Variants in DCHS1 observed in about 807,000 individuals in gnomAD.
DCHS1 encodes the protein protocadherin-16.
A neutral mutation model predicts 213.9 loss-of-function variants in DCHS1; 78 were observed. That is an observed-to-expected ratio of 0.36 (90% confidence interval 0.30 to 0.44). The LOEUF is 0.44. Ranked by LOEUF, DCHS1 falls within the 20% of genes least tolerant of loss-of-function variation. DCHS1 has a pLI of 1.00. For missense variants in DCHS1, 3,946 were observed against 4,395.9 expected (o/e 0.90, Z 2.89); for synonymous variants, 1,828 against 1,873.7 (o/e 0.98, Z 0.63).
intron 1 of DCHS1, among the ~76,000 whole-genome samples, chr11:6,644,694 C>T (rs1015679551): frequency 6.6e-6 from 1 of 152,230 alleles, no homozygotes; most frequent in African/African-American, 2.4e-5. Flanking sequence ...GCAGCCCGTG[C>T]TAAATGAATG....
At position 6,628,592 on chromosome 11, in the gene DCHS1, G is replaced by A; in HGVS notation, c.5371+29C>T. The A allele has an allele frequency of 6.2e-7, 1 of 1,612,502 alleles. No homozygotes were observed. Among genetic ancestry groups the A allele is most frequent in the South Asian group, 1.1e-5 (1 of 91,016 alleles). ...AGCAAGAACCAGGCAAGTGGGTGCT[G>A]AATTAAGTGGGAGTGGGAAGGTTCT... is the stretch of plus-strand genomic sequence containing the variant. On this transcript the variant is annotated intron_variant, in intron 13 of 20. Transcript: ENST00000299441. The surrounding 1 kb of genome is among the most constrained non-coding windows in gnomAD (Gnocchi z 4.3).
Position 6,641,124 on chromosome 11 carries a change from G to A in DCHS1, c.490C>T (p.Leu164=). 6.2e-7 allele frequency: 1 copy of A among 1,613,884 alleles called. No homozygotes were observed. Among genetic ancestry groups the A allele is most frequent in the Non-Finnish European group, 8.5e-7 (1 of 1,179,896 alleles). Residue 164 remains leucine (L), a synonymous_variant, in exon 2 of 21, where the codon CTG becomes TTG. Coordinates refer to ENST00000299441, the MANE Select transcript of DCHS1 (RefSeq NM_003737.4). This position sits in a 1 kb window ranked among gnomAD's most constrained non-coding sequence, Gnocchi z 7.1. ...GCATCTGCATCACGAGCAGGCTCCAGTGGGTAGCGGGTGCCAAAAGCTGTA... is the reference window on the plus strand; with the variant it reads ...GCATCTGCATCACGAGCAGGCTCCAATGGGTAGCGGGTGCCAAAAGCTGTA... ...EHTAFGTRYP[L]EPARDADAGR... is the part of the protein sequence containing the mutation.
At chr11:6,639,261 T>G (rs866673798) in intron 2 of DCHS1, among the ~76,000 whole-genome samples, 2 of 152,322 alleles carry the variant, frequency 1.3e-5, no homozygotes, top group African/African-American at 4.8e-5. Context: ...GCAGCCAGTA[T>G]GTGTCTTTCT....
At chr11:6,652,851 C>A (rs190221018) in intron 1 of DCHS1, among the ~76,000 whole-genome samples, 1 of 152,278 alleles carries the variant, frequency 6.6e-6, no homozygotes, top group South Asian at 2.1e-4. Flanking sequence ...CTGAGCCCTG[C>A]TGATCCCACT....
Position 6,629,845 on chromosome 11 carries a change from G to C in DCHS1, c.4862C>G (p.Ala1621Gly). The C allele has an allele frequency of 6.2e-7, 1 of 1,613,022 alleles. No individual in the cohort carries two copies. Among genetic ancestry groups the C allele is most frequent in the Non-Finnish European group, 8.5e-7 (1 of 1,179,886 alleles). The change falls in exon 11 of 21, where the codon GCC (alanine) becomes GGC (glycine). Residue 1621 changes from alanine to glycine, a missense_variant. Coordinates refer to ENST00000299441, the MANE Select transcript of DCHS1 (RefSeq NM_003737.4). The part of the protein sequence containing the change: ...QRAEHVLTVV[A>G]SDHGSPPRSA... ...GCGCGGCGGGGAGCCGTGGTCTGAGGCCACCACTGTCAGTACGTGCTCAGC... is the reference window on the plus strand; with the variant it reads ...GCGCGGCGGGGAGCCGTGGTCTGAGCCCACCACTGTCAGTACGTGCTCAGC...
In DCHS1 at chr11:6,629,655, A is replaced by G. The variant is rs1589955489; in HGVS notation, c.5035+17T>C. On this transcript the variant is annotated intron_variant, in intron 11 of 20. Transcript: ENST00000299441. ...CCCCAGTCCATCCCACTCATAATTCACCCCCCCAGGTCTTACCCACGTCGG... is the reference window on the plus strand; with the variant it reads ...CCCCAGTCCATCCCACTCATAATTCGCCCCCCCAGGTCTTACCCACGTCGG... The G allele has an allele frequency of 6.2e-7, 1 of 1,610,172 alleles. No individual in the cohort carries two copies. The highest frequency in any genetic ancestry group is 8.5e-7 in the Non-Finnish European group (1 of 1,178,506).
chr11:6,633,813 G>A lies in DCHS1; in HGVS notation c.2194C>T (p.Leu732Phe), dbSNP rs147623607. The A allele has an allele frequency of 1.5e-5, 24 of 1,613,650 alleles. No homozygotes were observed. The highest frequency in any genetic ancestry group is 6.7e-5 in the African/African-American group (5 of 74,942). Residue 732 changes from leucine to phenylalanine, a missense_variant, in exon 4 of 21, where the codon CTT (leucine) becomes TTT (phenylalanine). Transcript: ENST00000299441. ...YHILAGNSPPLFTLDEQSGLL... is the reference protein window; with the variant it reads ...YHILAGNSPPFFTLDEQSGLL... ...CCTGATTGCTCATCCAAGGTAAAAAGTGGGGGGCTGTTGCCAGCCAGGATA... is the reference window on the plus strand; with the variant it reads ...CCTGATTGCTCATCCAAGGTAAAAAATGGGGGGCTGTTGCCAGCCAGGATA...
At chr11:6,644,846 A>G (rs1589962512) in intron 1 of DCHS1, among the ~76,000 whole-genome samples, 1 of 152,246 alleles carries the variant, frequency 6.6e-6, no homozygotes, top group Non-Finnish European at 1.5e-5. Context: ...CTGTGACTAC[A>G]CAAACCTGTT....
chr11:6,642,667 G>C (rs895864874), intron 1 of DCHS1, among the ~76,000 whole-genome samples: 3 of 152,076 alleles, frequency 2.0e-5, no homozygotes, highest in African/African-American at 7.2e-5. Flanking sequence ...GAAGCATAGT[G>C]CTAGGGGCAG....
In DCHS1 at chr11:6,626,975, C is replaced by T. The variant is rs1356648176; in HGVS notation, c.6064G>A (p.Val2022Met). The stretch of plus-strand genomic sequence containing the variant: ...CCTAGAGCTACAGGAGAGCGGGCCA[C>T]GCGGATTTCACCAGTGTAAGAGTCC... ...TVDSYTGEIR[V>M]ARSPVALGPR... The change falls in exon 14 of 21, where the codon GTG becomes ATG. Residue 2022 changes from valine to methionine, a missense_variant. This residue lies in a region of DCHS1 where 3,384 missense variants were observed against 3,780.1 expected (regional missense o/e 0.90). Coordinates refer to ENST00000299441, the MANE Select transcript of DCHS1 (RefSeq NM_003737.4). The surrounding 1 kb of genome is among the most constrained non-coding windows in gnomAD (Gnocchi z 5.2). 13 of 1,613,608 alleles carry T rather than the reference C, an allele frequency of 8.1e-6. No individual in the cohort carries two copies. The highest frequency in any genetic ancestry group is 1.6e-4 in the Middle Eastern group (1 of 6,084).
At chr11:6,633,763 G>T in intron 4 of DCHS1, 26 bp downstream of exon 4, 1 of 1,606,310 alleles carries the variant, frequency 6.2e-7, no homozygotes, top group South Asian at 1.1e-5. Context: ...CCTGGGGGAA[G>T]GCCCCGGGAA....
chr11:6,625,390 G>T lies in DCHS1; in HGVS notation c.6954C>A (p.Pro2318=). The change falls in exon 19 of 21, where the codon CCC becomes CCA. Residue 2318 remains proline (P), a synonymous_variant. Transcript: ENST00000299441. The surrounding 1 kb of genome is among the most constrained non-coding windows in gnomAD (Gnocchi z 5.3). ...AGCGGCCAACACTGAAGGGATCCTG[G>T]GGCCCAGATGGGCTTAGCACATACC... ...VLWYVLSPSG[P]QDPFSVGRYG... 1 of 1,611,808 alleles carries T rather than the reference G, an allele frequency of 6.2e-7. No homozygotes were observed. The highest frequency in any genetic ancestry group is 8.5e-7 in the Non-Finnish European group (1 of 1,178,790).
chr11:6,644,791 C>T (rs959664952), intron 1 of DCHS1, among the ~76,000 whole-genome samples: 6 of 152,240 alleles, frequency 3.9e-5, no homozygotes, highest in Non-Finnish European at 8.8e-5. Flanking sequence ...AGACAACACA[C>T]ACAAACACAT....
intron 1 of DCHS1, among the ~76,000 whole-genome samples, chr11:6,643,332 T>C (rs1292160318): frequency 6.6e-6 from 1 of 152,206 alleles, no homozygotes; most frequent in East Asian, 1.9e-4. Flanking sequence ...TTCTCACTTC[T>C]CACACTCTCC....
rs113112845 is a variant in DCHS1, at chr11:6,654,824, G to A, written c.-121+739C>T. On this transcript the variant is annotated intron_variant, in intron 1 of 20. Transcript: ENST00000299441. ...GACCTTGTGGCTGTGGGCCCAGCCC[G>A]CCACACTGAGTTCATTGTGCTTCTA... Among the ~76,000 whole-genome samples the A allele has an allele frequency of 2.2e-3, 334 of 152,120 alleles. 3 individuals carry two copies. The highest frequency in any genetic ancestry group is 7.6e-3 in the African/African-American group (315 of 41,472).
At position 6,641,421 on chromosome 11, in the gene DCHS1, T is replaced by C. The variant is rs1178292814; in HGVS notation, c.193A>G (p.Ser65Gly). 1.2e-6 allele frequency: 2 copies of C among 1,613,112 alleles called. No individual in the cohort carries two copies. Among genetic ancestry groups the C allele is most frequent in the Non-Finnish European group, 1.7e-6 (2 of 1,179,742 alleles). ...GCCGTGCCTGCCGGAAGCCCCGCAC[T>C]GATGTCGCCAATCAGTGTACCCGCT... is the stretch of plus-strand genomic sequence containing the variant. ...QPAGTLIGDI[S>G]AGLPAGTAAP... The change falls in exon 2 of 21, where the codon AGT becomes GGT. Residue 65 changes from serine to glycine, a missense_variant. Coordinates refer to ENST00000299441, the MANE Select transcript of DCHS1 (RefSeq NM_003737.4). This position sits in a 1 kb window ranked among gnomAD's most constrained non-coding sequence, Gnocchi z 7.1.
At chr11:6,636,163 T>A (rs1705002245) in intron 2 of DCHS1, among the ~76,000 whole-genome samples, 1 of 152,190 alleles carries the variant, frequency 6.6e-6, no homozygotes, top group African/African-American at 2.4e-5. Flanking sequence ...TATCCCAACC[T>A]CTTTTCCAGG....
chr11:6,622,245 G>A lies in DCHS1; in HGVS notation c.9431C>T (p.Ala3144Val). ...GGCCACAATGGCTGTCAGCGCACCTGCCACACATGGCTTGCCATCTGCTGG... is the reference window on the plus strand; with the variant it reads ...GGCCACAATGGCTGTCAGCGCACCTACCACACATGGCTTGCCATCTGCTGG... The part of the protein sequence containing the change: ...GFPADGKPCV[A>V]GALTAIVAGE... Residue 3144 changes from alanine to valine, a missense_variant, in exon 21 of 21, where the codon GCA becomes GTA. Transcript: ENST00000299441. The surrounding 1 kb of genome is among the most constrained non-coding windows in gnomAD (Gnocchi z 5.4). 6.2e-7 allele frequency: 1 copy of A among 1,602,670 alleles called. No individual in the cohort carries two copies. Among genetic ancestry groups the A allele is most frequent in the African/African-American group, 1.3e-5 (1 of 74,904 alleles).
chr11:6,644,847 C>T (rs925834457), intron 1 of DCHS1, among the ~76,000 whole-genome samples: 1 of 152,222 alleles, frequency 6.6e-6, no homozygotes, highest in East Asian at 1.9e-4. Context: ...TGTGACTACA[C>T]AAACCTGTTC....
Sources: allele counts gnomAD v4.1 joint callset (sites outside exome capture counted in the v4.1 genomes callset), GRCh38; gene constraint gnomAD v4.1.1; regional missense constraint gnomAD v4.1.1; non-coding constraint Gnocchi (gnomAD v3.1); transcripts MANE v1.5; gene names NCBI Gene and HGNC (gene_info 2026-07-23, HGNC 2026-07-21).